Variants in CBR3 observed in about 807,000 individuals in gnomAD.
The protein encoded by CBR3 is carbonyl reductase 3, also known as carbonyl reductase [NADPH] 3.
Under a neutral mutation model 11.6 loss-of-function variants are expected in CBR3, and 14 were observed. That is an observed-to-expected ratio of 1.20 (90% CI 0.79 to 1.88). CBR3 has a LOEUF of 1.88. Ranked by LOEUF, CBR3 falls within the 40% of genes most tolerant of loss-of-function variation. The pLI, the probability that CBR3 is intolerant of heterozygous loss-of-function variation, is 0.00. For missense variants in CBR3, 308 were observed against 357.3 expected (o/e 0.86, Z 1.11); for synonymous variants, 125 against 145.6 (o/e 0.86, Z 1.02).
chr21:36,135,494 C>A lies in CBR3; in HGVS notation c.289+13C>A. 6.3e-7 allele frequency: 1 copy of A among 1,596,952 alleles called. No individual in the cohort carries two copies. Among genetic ancestry groups the A allele is most frequent in the Non-Finnish European group, 8.5e-7 (1 of 1,170,232 alleles). ...GTCGCCTTCAAGAGTAGGTGCAGGG[C>A]TTGGGTTGGGGCCCCCTGGAGCGCT... On this transcript the variant is annotated intron_variant, in intron 1 of 2. Transcript: ENST00000290354.
chr21:36,137,691 C>G, intron 1 of CBR3, 134 bp from the exon 2 acceptor site: 1 of 614,806 alleles, frequency 1.6e-6, no homozygotes, highest in Non-Finnish European at 2.9e-6. Flanking sequence ...TGAGAATCAC[C>G]GACCTCGTTC....
intron 2 of CBR3, among the ~76,000 whole-genome samples, 190 bp downstream of exon 2, chr21:36,138,122 AGTTTAGTTTAGTTTT>A (rs1371311819): frequency 6.6e-6 from 1 of 151,606 alleles, no homozygotes; most frequent in Non-Finnish European, 1.5e-5. Context: ...AGTTTAGTTT[AGTTTAGTTTAGTTTT>A]GTTTTGTTTG....
chr21:36,142,103 T>C (rs1309155804), intron 2 of CBR3: 2 of 162,610 alleles, frequency 1.2e-5, no homozygotes, highest in Non-Finnish European at 2.6e-5. Flanking sequence ...GCCAACTACC[T>C]TACATTAAAA....
chr21:36,136,766 G>A (rs2065663091), intron 1 of CBR3, among the ~76,000 whole-genome samples: 1 of 152,086 alleles, frequency 6.6e-6, no homozygotes, highest in Non-Finnish European at 1.5e-5. Context: ...GGTGGCTCAT[G>A]CCTGTAATCC....
At chr21:36,140,023 T>C (rs1360137237) in intron 2 of CBR3, among the ~76,000 whole-genome samples, 2 of 150,836 alleles carry the variant, frequency 1.3e-5, no homozygotes, top group African/African-American at 2.4e-5. Context: ...AGTAGCTGGG[T>C]TTACAGGCGA....
intron 2 of CBR3, among the ~76,000 whole-genome samples, chr21:36,142,436 A>AAAAAAAAAAAAAAAAAAAC (rs71196989): frequency 7.5e-5 from 9 of 119,686 alleles, no homozygotes; most frequent in South Asian, 2.7e-4. Context: ...CATCTCAAAA[A>AAAAAAAAAAAAAAAAAAAC]AAAAAAAAAA....
At chr21:36,140,789 C>T (rs530027802) in intron 2 of CBR3, among the ~76,000 whole-genome samples, 2 of 152,034 alleles carry the variant, frequency 1.3e-5, no homozygotes, top group East Asian at 1.9e-4. Flanking sequence ...AGGCAGACCA[C>T]GAGGTCAGGA....
At chr21:36,144,072 G>C (rs560354181) in intron 2 of CBR3, among the ~76,000 whole-genome samples, 1 of 152,026 alleles carries the variant, frequency 6.6e-6, no homozygotes, top group Non-Finnish European at 1.5e-5. Flanking sequence ...GAAATTGAGA[G>C]CTTTAGTCCT....
intron 2 of CBR3, chr21:36,141,978 A>G (rs2123347138): frequency 1.1e-6 from 1 of 951,844 alleles, no homozygotes. Context: ...ACACAACATC[A>G]CTGATGTAGT....
chr21:36,142,242 C>T (rs1296285476), intron 2 of CBR3, among the ~76,000 whole-genome samples: 3 of 151,912 alleles, frequency 2.0e-5, no homozygotes, highest in Non-Finnish European at 1.5e-5. Context: ...ACTATCCTCG[C>T]TAACACGGTG....
chr21:36,143,879 CAAAAAAAAAAAA>C (rs35169663), intron 2 of CBR3, among the ~76,000 whole-genome samples: 2 of 91,970 alleles, frequency 2.2e-5, no homozygotes, highest in South Asian at 3.9e-4. Context: ...GATTCTGTCT[CAAAAAAAAAAAA>C]AAAAAAAAAG....
chr21:36,145,636 A>G (rs1483055818), intron 2 of CBR3, among the ~76,000 whole-genome samples: 1 of 152,050 alleles, frequency 6.6e-6, no homozygotes, highest in East Asian at 1.9e-4. Flanking sequence ...CACAGCATCC[A>G]GCCACTTTTT....
chr21:36,139,064 GA>G (rs1310054966), intron 2 of CBR3, among the ~76,000 whole-genome samples: 2 of 152,092 alleles, frequency 1.3e-5, no homozygotes, highest in Admixed American at 1.3e-4. Flanking sequence ...TCTTTATTAG[GA>G]AATGTCTTGC....
At chr21:36,142,477 G>A (rs2065721306) in intron 2 of CBR3, among the ~76,000 whole-genome samples, 1 of 143,902 alleles carries the variant, frequency 6.9e-6, no homozygotes. Flanking sequence ...TTTGGACCCT[G>A]GATTAAAGCA....
chr21:36,135,191 C>G lies in CBR3; in HGVS notation c.-2C>G, dbSNP rs778208355. The G allele has an allele frequency of 6.1e-6, 9 of 1,471,692 alleles. No individual in the cohort carries two copies. The highest frequency in any genetic ancestry group is 8.1e-6 in the Non-Finnish European group (9 of 1,112,146). 91.2% of individuals were successfully genotyped at this position (1,471,692 alleles called of 1,614,324 possible). On this transcript the variant is annotated 5_prime_UTR_variant, in exon 1 of 3. Coordinates refer to ENST00000290354, the MANE Select transcript of CBR3 (RefSeq NM_001236.4). Reference sequence around the variant, plus strand: ...CAGGTGCCCCGCGCTCCCCGCTCAGCCATGTCGTCCTGCAGCCGCGTGGCG... The same window carrying G: ...CAGGTGCCCCGCGCTCCCCGCTCAGGCATGTCGTCCTGCAGCCGCGTGGCG...
rs1555883285 is a variant in CBR3 at position 36,142,431 on chromosome 21, C to CAAAAAAAAAAAAACAAAAAAAAA, written c.398-3632_398-3631insCAAAAAAAAAAAAAAAAAAAAAA. Among the ~76,000 whole-genome samples, 49 of 40,400 alleles carry CAAAAAAAAAAAAACAAAAAAAAA rather than the reference C, an allele frequency of 1.2e-3. 3 individuals are homozygous for CAAAAAAAAAAAAACAAAAAAAAA. Among genetic ancestry groups the CAAAAAAAAAAAAACAAAAAAAAA allele is most frequent in the African/African-American group, 5.3e-3 (47 of 8,852 alleles). 26.5% of individuals were successfully genotyped at this position (40,400 alleles called of 152,430 possible). ...TAGGTGACAGAGCGAGACTCCATCT[C>CAAAAAAAAAAAAACAAAAAAAAA]AAAAAAAAAAAAAAAAACGCAATCC... On this transcript the variant is annotated intron_variant, in intron 2 of 2. Transcript: ENST00000290354.
At position 36,137,859 on chromosome 21, in the gene CBR3, G is replaced by T. The variant is rs368106883; in HGVS notation, c.324G>T (p.Glu108Asp). 1.3e-4 allele frequency: 215 copies of T among 1,609,886 alleles called. No homozygotes were observed. The highest frequency in any genetic ancestry group is 1.7e-4 in the Non-Finnish European group (203 of 1,176,334). ...DDPMPFDIKA[E>D]MTLKTNFFAT... Reference sequence around the variant, plus strand: ...CAATGCCCTTTGACATTAAAGCTGAGATGACACTGAAGACAAATTTTTTTG... The same window carrying T: ...CAATGCCCTTTGACATTAAAGCTGATATGACACTGAAGACAAATTTTTTTG... The change falls in exon 2 of 3, where the codon GAG becomes GAT. Residue 108 changes from glutamate (E) to aspartate (D), a missense_variant. Transcript: ENST00000290354.
chr21:36,144,617 ACT>A (rs758116531), intron 2 of CBR3, among the ~76,000 whole-genome samples: 1 of 10,624 alleles, frequency 9.4e-5, no homozygotes, highest in Non-Finnish European at 2.6e-4. Context: ...ACAAAACAAG[ACT>A]CTGTCTCACA....
Position 36,137,499 on chromosome 21 carries a change from AAAG to A in CBR3, c.290-323_290-321del, listed in dbSNP as rs1469784314. ...GAGAAAGAAAGAAAGAAAAGAAAAG[AAAG>A]AAAGGAAGGAAGGAAGGAAGGAAGG... On this transcript the variant is annotated intron_variant, in intron 1 of 2. Coordinates refer to ENST00000290354, the MANE Select transcript of CBR3 (RefSeq NM_001236.4). 8.3e-4 allele frequency: 151 copies of A among 182,428 alleles called. 1 individual carries two copies. Among genetic ancestry groups the A allele is most frequent in the African/African-American group, 3.9e-3 (143 of 36,302 alleles). The allele number at this position is 182,428 out of a possible 1,614,324, so 11.3% of individuals were successfully genotyped here.
Sources: gnomAD v4.1 joint callset for allele counts (sites outside exome capture counted in the v4.1 genomes callset) on GRCh38, gnomAD v4.1.1 for gene constraint, MANE v1.5 for transcripts, NCBI Gene and HGNC (gene_info 2026-07-23, HGNC 2026-07-21) for gene names.